RFX7: variants seen among roughly 807,000 people sequenced by gnomAD.
RFX7 encodes DNA-binding protein RFX7.
A neutral mutation model predicts 111.8 loss-of-function variants in RFX7; 26 were observed. The observed-to-expected ratio is 0.23, with a 90% CI of 0.17 to 0.32. The LOEUF (loss-of-function observed/expected upper bound fraction) is 0.32, where lower values mean the gene tolerates loss of function less well. Among genes scored for constraint, RFX7 ranks in the 10% least tolerant of loss-of-function variants. RFX7 has a pLI of 1.00. For synonymous variants in RFX7, 624 were observed against 624.4 expected, an observed-to-expected ratio of 1.00 and a Z score of 0.01; for missense variants, 1,573 against 1,772.9, an observed-to-expected ratio of 0.89 and a Z score of 2.02.
chr15:56,221,267 G>A (rs1216141588), intron 2 of RFX7, among the ~76,000 whole-genome samples: 4 of 152,158 alleles, frequency 2.6e-5, no homozygotes, highest in African/African-American at 9.6e-5. Flanking sequence ...AATGCCTTGG[G>A]CAGTATGGCC....
At chr15:56,140,106 G>T (rs1283913588) in intron 5 of RFX7, among the ~76,000 whole-genome samples, 1 of 152,208 alleles carries the variant, frequency 6.6e-6, no homozygotes, top group Non-Finnish European at 1.5e-5. Flanking sequence ...GGAGCCTACA[G>T]AGGCAGGCAG....
intron 5 of RFX7, among the ~76,000 whole-genome samples, chr15:56,106,875 C>T (rs563551368): frequency 1.4e-3 from 220 of 152,188 alleles, no homozygotes; most frequent in Non-Finnish European, 2.2e-3. Context: ...TGCTTCACAA[C>T]GTTAACTGCA....
At chr15:56,125,110 TGTCC>T (rs2042125929) in intron 5 of RFX7, among the ~76,000 whole-genome samples, 1 of 152,222 alleles carries the variant, frequency 6.6e-6, no homozygotes, top group Non-Finnish European at 1.5e-5. Flanking sequence ...TTGAAGAGAC[TGTCC>T]TTTCCCCACT....
chr15:56,236,286 T>C (rs562042681), intron 2 of RFX7, among the ~76,000 whole-genome samples: 2 of 152,314 alleles, frequency 1.3e-5, no homozygotes, highest in South Asian at 4.2e-4. Context: ...TTTATGTGGG[T>C]TGAGTGCCAA....
chr15:56,164,142 A>C (rs1313038905), intron 3 of RFX7, among the ~76,000 whole-genome samples: 1 of 152,250 alleles, frequency 6.6e-6, no homozygotes, highest in African/African-American at 2.4e-5. Flanking sequence ...TCAAGAGAAA[A>C]GAGAAAACAA....
chr15:56,120,456 T>G (rs1260648955), intron 5 of RFX7, among the ~76,000 whole-genome samples: 12 of 152,172 alleles, frequency 7.9e-5, no homozygotes, highest in African/African-American at 2.9e-4. Flanking sequence ...AATTTGACCC[T>G]TCATTCCCAG....
chr15:56,198,461 T>C (rs948280202), intron 2 of RFX7, among the ~76,000 whole-genome samples: 6 of 152,158 alleles, frequency 3.9e-5, no homozygotes, highest in African/African-American at 1.2e-4. Flanking sequence ...CAAAGTATTC[T>C]TGCTGAAATA....
upstream of RFX7, among the ~76,000 whole-genome samples, chr15:56,245,061 GTTTCT>G (rs2043815648): frequency 6.6e-6 from 1 of 152,056 alleles, no homozygotes; most frequent in Non-Finnish European, 1.5e-5. Context: ...TGTCTATCAG[GTTTCT>G]ACCTGTTAGA....
chr15:56,140,411 C>T (rs1002947268), intron 5 of RFX7, among the ~76,000 whole-genome samples: 2 of 152,158 alleles, frequency 1.3e-5, no homozygotes, highest in African/African-American at 2.4e-5. Context: ...TTCTTTGACT[C>T]GGAAAGGGAA....
rs1048078962 is a variant in RFX7 at position 56,090,540 on chromosome 15, A to T, written c.*2805T>A. 6.6e-6 allele frequency: 1 copy of T among 152,634 alleles called. No individual in the cohort carries two copies. The highest frequency in any genetic ancestry group is 1.5e-5 in the Non-Finnish European group (1 of 68,024). 9.5% of individuals were successfully genotyped at this position (152,634 alleles called of 1,614,324 possible). ...AAACACCTTCAGATCCAGTCAGTTT[A>T]ATATAAAATGTTTTTAATTGTTTTT... On this transcript the variant is annotated 3_prime_UTR_variant, in exon 10 of 10. Coordinates refer to ENST00000559447, the MANE Select transcript of RFX7 (RefSeq NM_022841.7).
chr15:56,121,334 C>T (rs2140967118), intron 5 of RFX7, among the ~76,000 whole-genome samples: 1 of 152,340 alleles, frequency 6.6e-6, no homozygotes, highest in South Asian at 2.1e-4. Flanking sequence ...AAGGTTCCCA[C>T]TGAAAAGTCT....
chr15:56,170,563 C>T (rs12909430), intron 3 of RFX7, among the ~76,000 whole-genome samples: 3,641 of 152,156 alleles, frequency 0.024, 72 homozygotes, highest in Admixed American at 0.042. Flanking sequence ...CCCCTAGGGG[C>T]GTGGAGGGCA....
intron 2 of RFX7, among the ~76,000 whole-genome samples, chr15:56,233,227 T>C (rs1258894195): frequency 6.6e-6 from 1 of 152,128 alleles, no homozygotes; most frequent in Non-Finnish European, 1.5e-5. Context: ...GGCCGCACAA[T>C]CATGGTGGCA....
chr15:56,222,415 TA>T (rs1249365522), intron 2 of RFX7, among the ~76,000 whole-genome samples: 1 of 152,230 alleles, frequency 6.6e-6, no homozygotes, highest in Non-Finnish European at 1.5e-5. Context: ...TTCAAATTCA[TA>T]AATCTTTCAA....
intron 3 of RFX7, among the ~76,000 whole-genome samples, chr15:56,176,675 ACT>A (rs759626823): frequency 2.6e-5 from 4 of 152,136 alleles, no homozygotes; most frequent in Non-Finnish European, 5.9e-5. Context: ...TATAATAAAT[ACT>A]AGAAGAACTG....
At chr15:56,204,559 A>T (rs923161702) in intron 2 of RFX7, among the ~76,000 whole-genome samples, 3 of 152,214 alleles carry the variant, frequency 2.0e-5, no homozygotes, top group African/African-American at 7.2e-5. Context: ...ATTGTAGGCT[A>T]AAGCTTTGAG....
rs1218111546 is a variant in RFX7, at chr15:56,202,991, C to G, written c.162-23688G>C. 4.6e-5 allele frequency among the ~76,000 whole-genome samples: 7 copies of G among 152,176 alleles called. 1 individual carries two copies. Among genetic ancestry groups the G allele is most frequent in the Middle Eastern group, 6.8e-3 (2 of 294 alleles). On this transcript the variant is annotated intron_variant, in intron 2 of 9. Coordinates refer to ENST00000559447, the MANE Select transcript of RFX7 (RefSeq NM_022841.7). ...AATTCCTTTCTAGATTTTACTAGGA[C>G]AGCAAAGTGATCAGTATCTCAATAT...
At chr15:56,220,484 G>A (rs12914640) in intron 2 of RFX7, among the ~76,000 whole-genome samples, 55,542 of 151,762 alleles carry the variant, frequency 0.37, 10,541 homozygotes, top group Non-Finnish European at 0.41. Flanking sequence ...CACCCGCCTC[G>A]GCCTCTCAAA....
chr15:56,094,404 C>A lies in RFX7; in HGVS notation c.3324G>T (p.Gln1108His). Residue 1108 changes from glutamine to histidine, a missense_variant, in exon 10 of 10, where the codon CAG becomes CAT. Physicochemically the swap from Gln to His is conservative, Grantham distance 24. Transcript: ENST00000559447. ...HAFAVPGQSYQSQSRHHDTHF... is the reference protein window; with the variant it reads ...HAFAVPGQSYHSQSRHHDTHF... ...GAGTGTCATGATGTCTGGATTGAGA[C>A]TGATAAGACTGTCCAGGCACAGCAA... The A allele has an allele frequency of 1.2e-6, 2 of 1,613,968 alleles. No homozygotes were observed. The highest frequency in any genetic ancestry group is 1.7e-6 in the Non-Finnish European group (2 of 1,179,872).
Sources: gnomAD v4.1 joint callset for allele counts (sites outside exome capture counted in the v4.1 genomes callset) on GRCh38, gnomAD v4.1.1 for gene constraint, MANE v1.5 for transcripts, NCBI Gene and HGNC (gene_info 2026-07-23, HGNC 2026-07-21) for gene names.